Variants in MYO16 observed in about 807,000 individuals in gnomAD.
MYO16 encodes the protein unconventional myosin-XVI.
A neutral mutation model predicts 205.3 loss-of-function variants in MYO16; 94 were observed. The observed-to-expected ratio is 0.46, with a 90% confidence interval of 0.39 to 0.54. MYO16 has a LOEUF of 0.54. MYO16 is among the 20% of genes least tolerant of loss of function. MYO16 has a pLI of 0.00. For synonymous variants in MYO16, 988 were observed against 954.0 expected, an observed-to-expected ratio of 1.04 and a Z score of -0.66; for missense variants, 2,315 against 2,387.5, an observed-to-expected ratio of 0.97 and a Z score of 0.63.
intron 3 of MYO16, among the ~76,000 whole-genome samples, chr13:108,716,664 G>T (rs535387655): frequency 2.6e-5 from 4 of 152,086 alleles, no homozygotes; most frequent in Admixed American, 1.3e-4. Context: ...CCTTTTGGGC[G>T]TCCCACATTA....
chr13:108,499,743 C>G, the MYO16 span, among the ~76,000 whole-genome samples: 1 of 152,154 alleles, frequency 6.6e-6, no homozygotes, highest in Non-Finnish European at 1.5e-5. Context: ...CAACTCATTT[C>G]TTATATATCC....
At chr13:108,950,632 G>A (rs1883107120) in intron 16 of MYO16, among the ~76,000 whole-genome samples, 2 of 152,190 alleles carry the variant, frequency 1.3e-5, no homozygotes, top group African/African-American at 4.8e-5. Flanking sequence ...AGAAAAGAGT[G>A]TGACAGTTTC....
At chr13:109,184,691 G>C (rs1237997109) in intron 34 of MYO16, among the ~76,000 whole-genome samples, 1 of 152,150 alleles carries the variant, frequency 6.6e-6, no homozygotes, top group Non-Finnish European at 1.5e-5. Flanking sequence ...CCACCTCCCA[G>C]GTTCAAGTGA....
the MYO16 span, among the ~76,000 whole-genome samples, chr13:108,575,936 C>G: frequency 6.6e-6 from 1 of 151,968 alleles, no homozygotes; most frequent in Non-Finnish European, 1.5e-5. Flanking sequence ...CCTTTCAAGT[C>G]TCGGCAACTG....
chr13:108,573,366 A>T, the MYO16 span, among the ~76,000 whole-genome samples: 950 of 152,296 alleles, frequency 6.2e-3, 14 homozygotes, highest in African/African-American at 0.021. Flanking sequence ...GTCATTTTTT[A>T]AAAAATAAAA....
rs562877802 is a variant in MYO16 at position 108,683,438 on chromosome 13, A to G, written c.292+17289A>G. Among the ~76,000 whole-genome samples, 79 of 152,300 alleles carry G rather than the reference A, an allele frequency of 5.2e-4. 1 individual carries two copies. The highest frequency in any genetic ancestry group is 1.9e-4 in the Non-Finnish European group (13 of 68,032). ...CCAAAAAAAAGAAAGAAAGAAAGAA[A>G]AATACCCAAACCTTATAGTCCATGA... is the stretch of plus-strand genomic sequence containing the variant. On this transcript the variant is annotated intron_variant, in intron 2 of 34. Transcript: ENST00000457511.
chr13:108,717,979 T>C (rs1884014579), intron 3 of MYO16, among the ~76,000 whole-genome samples: 1 of 152,184 alleles, frequency 6.6e-6, no homozygotes. Context: ...TTTTGAATAA[T>C]TTAATAATTT....
At chr13:108,530,180 T>C in the MYO16 span, among the ~76,000 whole-genome samples, 25 of 152,182 alleles carry the variant, frequency 1.6e-4, 1 homozygote, top group Admixed American at 1.6e-3. Flanking sequence ...CTAAGTTATA[T>C]GGGGGAAATC....
At chr13:108,837,228 A>G (rs185093125) in intron 9 of MYO16, among the ~76,000 whole-genome samples, 1,997 of 152,132 alleles carry the variant, frequency 0.013, 38 homozygotes, top group African/African-American at 0.045. Flanking sequence ...CCCTGTTGGC[A>G]CTTGTTCTTC....
In MYO16 at chr13:109,141,075, C is replaced by T. The variant is rs765472707; in HGVS notation, c.4863C>T (p.Pro1621=). Residue 1621 remains proline (P), a synonymous_variant, in exon 32 of 35, where the codon CCC becomes CCT. Coordinates refer to ENST00000457511, the MANE Select transcript of MYO16 (RefSeq NM_001198950.3). The surrounding 1 kb of genome is among the most constrained non-coding windows in gnomAD (Gnocchi z 4.1). ...PCAHLAFPPE[P]APVNAGKAGP... is the part of the protein sequence containing the mutation. The stretch of plus-strand genomic sequence containing the variant: ...CGCACTTGGCCTTCCCGCCGGAGCC[C>T]GCCCCGGTGAACGCGGGGAAAGCGG... The T allele has an allele frequency of 3.9e-5, 56 of 1,452,360 alleles. No individual in the cohort carries two copies. The African/African-American group carries it at 5.9e-4, about 15-fold the overall frequency. 90.0% of individuals were successfully genotyped at this position (1,452,360 alleles called of 1,614,324 possible). A position where few individuals can be genotyped will look rare whatever the true frequency, so the allele number is the denominator to read the frequency against.
chr13:109,179,188 T>G (rs2149517), intron 33 of MYO16, among the ~76,000 whole-genome samples: 1 of 152,174 alleles, frequency 6.6e-6, no homozygotes, highest in Non-Finnish European at 1.5e-5. Flanking sequence ...GTCACCCTAG[T>G]GACTCAGTGG....
At position 108,799,425 on chromosome 13, in the gene MYO16, C is replaced by G. The variant is rs570622899; in HGVS notation, c.741+5785C>G. ...ATATATAATGCATGTGCTTCTATATCATTCCACTAAGCAACAGATCTAGTA... is the reference window on the plus strand; with the variant it reads ...ATATATAATGCATGTGCTTCTATATGATTCCACTAAGCAACAGATCTAGTA... On this transcript the variant is annotated intron_variant, in intron 6 of 34. Coordinates refer to ENST00000457511, the MANE Select transcript of MYO16 (RefSeq NM_001198950.3). Among the ~76,000 whole-genome samples the G allele has an allele frequency of 2.0e-5, 3 of 152,254 alleles. No individual in the cohort carries two copies. In the South Asian group the frequency reaches 6.2e-4, roughly 32 times the overall value.
At chr13:108,506,242 A>C in the MYO16 span, among the ~76,000 whole-genome samples, 1 of 152,026 alleles carries the variant, frequency 6.6e-6, no homozygotes, top group Non-Finnish European at 1.5e-5. Context: ...TTTGTGTCTT[A>C]CTTTGGATAT....
chr13:108,637,814 G>T (rs1282822310), intron 1 of MYO16, among the ~76,000 whole-genome samples: 1 of 152,058 alleles, frequency 6.6e-6, no homozygotes, highest in African/African-American at 2.4e-5. Context: ...GGTAAATGTG[G>T]CAGTGAGCTG....
intron 9 of MYO16, among the ~76,000 whole-genome samples, chr13:108,827,315 A>G (rs902249290): frequency 2.0e-5 from 3 of 152,042 alleles, no homozygotes; most frequent in African/African-American, 7.2e-5. Context: ...TTTTTCTGCT[A>G]TCTCAGGATA....
intron 4 of MYO16, among the ~76,000 whole-genome samples, chr13:108,785,359 C>T (rs1450572214): frequency 2.6e-5 from 4 of 152,140 alleles, no homozygotes; most frequent in East Asian, 1.9e-4. Context: ...CAGCCACACA[C>T]TAGAGATGCT....
intron 4 of MYO16, among the ~76,000 whole-genome samples, chr13:108,749,053 T>C (rs1885148273): frequency 6.6e-6 from 1 of 152,084 alleles, no homozygotes; most frequent in South Asian, 2.1e-4. Context: ...ACATCTAAAA[T>C]TGTATATATT....
chr13:108,532,659 C>A, the MYO16 span, among the ~76,000 whole-genome samples: 5 of 151,724 alleles, frequency 3.3e-5, no homozygotes, highest in South Asian at 1.0e-3. Context: ...GGCATGGTGG[C>A]ACGTGTCTGT....
In MYO16 at chr13:109,183,226, G is replaced by C. The variant is rs534059119; in HGVS notation, c.5415+3593G>C. Among the ~76,000 whole-genome samples the C allele has an allele frequency of 2.0e-5, 3 of 152,280 alleles. No individual in the cohort carries two copies. The East Asian group carries it at 5.8e-4, about 29-fold the overall frequency. On this transcript the variant is annotated intron_variant, in intron 34 of 34. Coordinates refer to ENST00000457511, the MANE Select transcript of MYO16 (RefSeq NM_001198950.3). ...GTGGTGAGAAGCTAAGCGGCGGTGG[G>C]GGGGAATGCTGACAGCATCAGCCAG...
Sources: allele counts gnomAD v4.1 joint callset (sites outside exome capture counted in the v4.1 genomes callset), GRCh38; gene constraint gnomAD v4.1.1; non-coding constraint Gnocchi (gnomAD v3.1); transcripts MANE v1.5; gene names NCBI Gene and HGNC (gene_info 2026-07-23, HGNC 2026-07-21).